The following SYNGR1 variants were observed in gnomAD, a reference collection of about 807,000 sequenced individuals.
The protein encoded by SYNGR1 is synaptogyrin 1.
A neutral mutation model predicts 26.1 loss-of-function variants in SYNGR1; 14 were observed. The observed-to-expected ratio is 0.54, with a 90% CI of 0.35 to 0.84. The LOEUF (loss-of-function observed/expected upper bound fraction) is 0.84, where lower values mean the gene tolerates loss of function less well. SYNGR1 is among the 40% of genes least tolerant of loss of function. SYNGR1 has a pLI of 0.01. For missense variants in SYNGR1, 319 were observed against 332.9 expected, an observed-to-expected ratio of 0.96 and a Z score of 0.33; for synonymous variants, 141 against 150.1, an observed-to-expected ratio of 0.94 and a Z score of 0.44.
At position 39,350,033 on chromosome 22, in the gene SYNGR1, C is replaced by A; in HGVS notation, c.23C>A (p.Ala8Glu). 1 of 1,393,380 alleles carries A rather than the reference C, an allele frequency of 7.2e-7. No individual in the cohort carries two copies. The highest frequency in any genetic ancestry group is 9.5e-7 in the Non-Finnish European group (1 of 1,054,850). 86.3% of individuals were successfully genotyped at this position (1,393,380 alleles called of 1,614,324 possible). The stretch of plus-strand genomic sequence containing the variant: ...ACGATGGAAGGGGGTGCGTACGGAG[C>A]GGGCAAAGCCGGGGGCGCCTTCGAC... MEGGAYG[A>E]GKAGGAFDPY... The change falls in exon 1 of 4, where the codon GCG becomes GAG. Residue 8 changes from alanine to glutamate, a missense_variant. Ala to Glu is a moderately radical substitution (Grantham distance 107). Transcript: ENST00000328933. The surrounding 1 kb of genome is among the most constrained non-coding windows in gnomAD (Gnocchi z 4.3).
At chr22:39,380,511 T>A (rs966642598) in intron 3 of SYNGR1, among the ~76,000 whole-genome samples, 5 of 151,696 alleles carry the variant, frequency 3.3e-5, no homozygotes, top group African/African-American at 1.2e-4. Flanking sequence ...CACCTCAGCC[T>A]CCTGAGTAGC....
chr22:39,367,534 G>A (rs1385017739), intron 1 of SYNGR1, among the ~76,000 whole-genome samples: 2 of 152,172 alleles, frequency 1.3e-5, no homozygotes, highest in Non-Finnish European at 2.9e-5. Flanking sequence ...TAGAAGCTTG[G>A]GTTGTAGACC....
intron 3 of SYNGR1, among the ~76,000 whole-genome samples, chr22:39,380,870 C>G (rs1925477602): frequency 6.6e-6 from 1 of 152,092 alleles, no homozygotes; most frequent in East Asian, 1.9e-4. Flanking sequence ...ATCTGCCCAT[C>G]TTGGCCTCTC....
Position 39,383,532 on chromosome 22 carries a change from G to C in SYNGR1, c.*1618G>C, listed in dbSNP as rs997949935. 2 of 152,494 alleles carry C rather than the reference G, an allele frequency of 1.3e-5. No individual in the cohort carries two copies. The highest frequency in any genetic ancestry group is 3.8e-4 in the East Asian group (2 of 5,260). 9.4% of individuals were successfully genotyped at this position (152,494 alleles called of 1,614,324 possible). On this transcript the variant is annotated 3_prime_UTR_variant, in exon 4 of 4. Transcript: ENST00000328933. ...GAGAGCGCTGGGGGCCCATCCCCCT[G>C]TCCACCCAGTGTCCACTGGCCTGTC...
At position 39,385,017 on chromosome 22, in the gene SYNGR1, C is replaced by T; in HGVS notation, c.*3103C>T. 1 of 398,862 alleles carries T rather than the reference C, an allele frequency of 2.5e-6. No homozygotes were observed. The highest frequency in any genetic ancestry group is 4.4e-6 in the Non-Finnish European group (1 of 226,116). The allele number at this position is 398,862 out of a possible 1,614,324, so 24.7% of individuals were successfully genotyped here. ...TTCCCAGGGGACTGACGTTAGTTCC[C>T]TACTCCATCCTTCCCTGGTGATTCT... On this transcript the variant is annotated 3_prime_UTR_variant, in exon 4 of 4. Transcript: ENST00000328933.
chr22:39,385,240 C>T lies in SYNGR1; in HGVS notation c.*3326C>T, dbSNP rs1041978046. The T allele has an allele frequency of 1.3e-5, 5 of 375,216 alleles. No homozygotes were observed. Among genetic ancestry groups the T allele is most frequent in the African/African-American group, 2.1e-5 (1 of 48,186 alleles). The allele number at this position is 375,216 out of a possible 1,614,324, so 23.2% of individuals were successfully genotyped here. A position where few individuals can be genotyped will look rare whatever the true frequency, so the allele number is the denominator to read the frequency against. On this transcript the variant is annotated 3_prime_UTR_variant, in exon 4 of 4. Transcript: ENST00000328933. ...TCCCAGCGATGCACTTGACCTGACA[C>T]TCCCCATGTCCTGGTGCGCACAGCC...
At chr22:39,368,988 A>G (rs1924897456) in intron 1 of SYNGR1, among the ~76,000 whole-genome samples, 1 of 152,212 alleles carries the variant, frequency 6.6e-6, no homozygotes, top group South Asian at 2.1e-4. Flanking sequence ...TAATTTTTAC[A>G]GAGGACCAAT....
chr22:39,377,977 G>A, intron 3 of SYNGR1: 1 of 1,262,970 alleles, frequency 7.9e-7, no homozygotes, highest in Admixed American at 3.3e-5. Context: ...GGCTGGGGAG[G>A]AGAAAACAAA....
intron 1 of SYNGR1, among the ~76,000 whole-genome samples, chr22:39,359,020 C>T (rs929477737): frequency 2.0e-5 from 3 of 152,250 alleles, no homozygotes; most frequent in Admixed American, 6.5e-5. Flanking sequence ...GGGGCTCCTC[C>T]AGTACCTCAC....
Position 39,365,778 on chromosome 22 carries a change from C to T in SYNGR1, c.100-8538C>T, listed in dbSNP as rs1924717816. Among the ~76,000 whole-genome samples the T allele has an allele frequency of 2.6e-5, 4 of 152,046 alleles. No individual in the cohort carries two copies. The South Asian group carries it at 8.3e-4, about 32-fold the overall frequency. ...GGCATTTGCAGGCGACGGCTCTGCT[C>T]CCCATTATCATCATTGAGCCTAAAC... On this transcript the variant is annotated intron_variant, in intron 1 of 3. Transcript: ENST00000328933.
Position 39,377,735 on chromosome 22 carries a change from C to T in SYNGR1, c.483+1538C>T, listed in dbSNP as rs140257867. On this transcript the variant is annotated intron_variant, in intron 3 of 3. Transcript: ENST00000328933. ...GCCGGCAGCCCTGTATCACCCCTGGCAGTGAGGTGGCAGGAGCAGCCTAGT... is the reference window on the plus strand; with the variant it reads ...GCCGGCAGCCCTGTATCACCCCTGGTAGTGAGGTGGCAGGAGCAGCCTAGT... The T allele has an allele frequency of 1.0e-3, 1,641 of 1,603,780 alleles. 18 individuals are homozygous for T. In the African/African-American group the frequency reaches 0.02, roughly 19 times the overall value.
At chr22:39,368,444 A>G (rs942833606) in intron 1 of SYNGR1, among the ~76,000 whole-genome samples, 1 of 152,176 alleles carries the variant, frequency 6.6e-6, no homozygotes, top group Non-Finnish European at 1.5e-5. Flanking sequence ...TGCCCCTCCC[A>G]GCGCAGTGCC....
chr22:39,382,898 C>G lies in SYNGR1; in HGVS notation c.*984C>G, dbSNP rs529042096. 2 of 152,508 alleles carry G rather than the reference C, an allele frequency of 1.3e-5. No homozygotes were observed. Among genetic ancestry groups the G allele is most frequent in the East Asian group, 3.9e-4 (2 of 5,194 alleles). The allele number at this position is 152,508 out of a possible 1,614,324, so 9.4% of individuals were successfully genotyped here. On this transcript the variant is annotated 3_prime_UTR_variant, in exon 4 of 4. Coordinates refer to ENST00000328933, the MANE Select transcript of SYNGR1 (RefSeq NM_004711.5). ...CTTCGTGGTCTCTCAAAGGACTGAT[C>G]ACTGTCCTTGCCTCTAGGAGGGGTC...
intron 3 of SYNGR1, chr22:39,379,556 C>G (rs1432431223): frequency 9.9e-5 from 15 of 151,932 alleles, no homozygotes; most frequent in Admixed American, 9.8e-4. Flanking sequence ...ATCACTTGAA[C>G]CCAGGAGGCA....
chr22:39,381,937 G>A lies in SYNGR1; in HGVS notation c.*23G>A, dbSNP rs768725059. ...TGAGCCACAGTGACCGCCTGCCCCC[G>A]CCCCTCCCCATCTGTCCCCTCTCTC... On this transcript the variant is annotated 3_prime_UTR_variant, in exon 4 of 4. Transcript: ENST00000328933. 8.2e-6 allele frequency: 13 copies of A among 1,576,272 alleles called. No homozygotes were observed. The highest frequency in any genetic ancestry group is 1.4e-5 in the African/African-American group (1 of 73,774).
chr22:39,359,438 A>G (rs1043087938), intron 1 of SYNGR1, among the ~76,000 whole-genome samples: 136 of 149,378 alleles, frequency 9.1e-4, no homozygotes, highest in African/African-American at 3.1e-3. Context: ...TGGCTGAGAC[A>G]GTGAAACCCC....
rs1382916510 is a variant in SYNGR1 at position 39,384,545 on chromosome 22, C to T, written c.*2631C>T. On this transcript the variant is annotated 3_prime_UTR_variant, in exon 4 of 4. Transcript: ENST00000328933. The stretch of plus-strand genomic sequence containing the variant: ...ATGGAGGGCGAGATTTGGATGGGAC[C>T]CAGGGCTCCTGACTCTGCCCTGGAA... 7.5e-6 allele frequency: 3 copies of T among 398,638 alleles called. No homozygotes were observed. The highest frequency in any genetic ancestry group is 1.3e-5 in the Non-Finnish European group (3 of 226,142). The allele number at this position is 398,638 out of a possible 1,614,324, so 24.7% of individuals were successfully genotyped here. A position where few individuals can be genotyped will look rare whatever the true frequency, so the allele number is the denominator to read the frequency against.
chr22:39,377,968 G>C, intron 3 of SYNGR1: 1 of 1,278,332 alleles, frequency 7.8e-7, no homozygotes, highest in Non-Finnish European at 1.0e-6. Flanking sequence ...GAGCCCACAG[G>C]CTGGGGAGGA....
In SYNGR1 at chr22:39,350,024, C is replaced by G; in HGVS notation, c.14C>G (p.Ala5Gly). The change falls in exon 1 of 4, where the codon GCG becomes GGG. Residue 5 changes from alanine (A) to glycine (G), a missense_variant. Coordinates refer to ENST00000328933, the MANE Select transcript of SYNGR1 (RefSeq NM_004711.5). This position sits in a 1 kb window ranked among gnomAD's most constrained non-coding sequence, Gnocchi z 4.3. ...GGTGCAGCCACGATGGAAGGGGGTG[C>G]GTACGGAGCGGGCAAAGCCGGGGGC... MEGGAYGAGKAGGAF... is the reference protein window; with the variant it reads MEGGGYGAGKAGGAF... 1 of 1,370,766 alleles carries G rather than the reference C, an allele frequency of 7.3e-7. No individual in the cohort carries two copies. The highest frequency in any genetic ancestry group is 9.6e-7 in the Non-Finnish European group (1 of 1,042,738). The allele number at this position is 1,370,766 out of a possible 1,614,324, so 84.9% of individuals were successfully genotyped here. A position where few individuals can be genotyped will look rare whatever the true frequency, so the allele number is the denominator to read the frequency against.
Sources: gnomAD v4.1 joint callset for allele counts (sites outside exome capture counted in the v4.1 genomes callset) on GRCh38, gnomAD v4.1.1 for gene constraint, Gnocchi (gnomAD v3.1) non-coding constraint, MANE v1.5 for transcripts, NCBI Gene and HGNC (gene_info 2026-07-23, HGNC 2026-07-21) for gene names.